Variants in SLC13A3 observed in about 807,000 individuals in gnomAD.
SLC13A3 encodes the protein solute carrier family 13 member 3.
Under a neutral mutation model 59.0 loss-of-function variants are expected in SLC13A3, and 40 were observed. The observed-to-expected ratio is 0.68, with a 90% CI of 0.53 to 0.88. The LOEUF is 0.88. SLC13A3 is among the 40% of genes least tolerant of loss of function. The probability of loss-of-function intolerance (pLI) is 0.00; values close to 1 mark genes in which losing one functional copy is unlikely to be tolerated. For missense variants in SLC13A3, 699 were observed against 783.2 expected, an observed-to-expected ratio of 0.89 and a Z score of 1.28; for synonymous variants, 317 against 330.3, an observed-to-expected ratio of 0.96 and a Z score of 0.44.
At chr20:46,614,258 G>A (rs1288194254) in intron 1 of SLC13A3, among the ~76,000 whole-genome samples, 1 of 152,174 alleles carries the variant, frequency 6.6e-6, no homozygotes, top group African/African-American at 2.4e-5. Flanking sequence ...GCTCAATTCT[G>A]ATGGGGAACC....
chr20:46,627,194 A>C (rs2062682768), intron 1 of SLC13A3, among the ~76,000 whole-genome samples: 1 of 152,248 alleles, frequency 6.6e-6, no homozygotes, highest in Admixed American at 6.5e-5. Context: ...TGAATAAATG[A>C]TATAAAGTCA....
chr20:46,629,738 C>T (rs1345616392), intron 1 of SLC13A3, among the ~76,000 whole-genome samples: 1 of 151,862 alleles, frequency 6.6e-6, no homozygotes, highest in East Asian at 1.9e-4. Flanking sequence ...GTTTTTTCAC[C>T]CCCTTCTGCT....
chr20:46,625,856 T>C (rs1416981867), intron 1 of SLC13A3, among the ~76,000 whole-genome samples: 1 of 152,252 alleles, frequency 6.6e-6, no homozygotes, highest in Non-Finnish European at 1.5e-5. Context: ...TTTTTGCTGC[T>C]GAGTAGTATT....
At chr20:46,650,856 G>A (rs1026161049) in intron 1 of SLC13A3, among the ~76,000 whole-genome samples, 3 of 152,106 alleles carry the variant, frequency 2.0e-5, no homozygotes, top group East Asian at 3.8e-4. Context: ...CTTGAGTCCA[G>A]GAGTTCCAGA....
intron 1 of SLC13A3, among the ~76,000 whole-genome samples, chr20:46,625,818 G>A (rs1004939456): frequency 5.9e-5 from 9 of 152,208 alleles, no homozygotes; most frequent in Non-Finnish European, 1.0e-4. Context: ...ATTCCTCCAC[G>A]CAGTTGTGTG....
intron 1 of SLC13A3, among the ~76,000 whole-genome samples, chr20:46,667,145 G>A (rs1238264881): frequency 6.6e-6 from 1 of 152,086 alleles, no homozygotes; most frequent in African/African-American, 2.4e-5. Context: ...TTCAGGTTGG[G>A]ACTTGATCCT....
At chr20:46,608,483 C>T (rs1293922580) in intron 3 of SLC13A3, among the ~76,000 whole-genome samples, 1 of 152,152 alleles carries the variant, frequency 6.6e-6, no homozygotes, top group Non-Finnish European at 1.5e-5. Flanking sequence ...TTCACTTCCT[C>T]GTGGAAGACT....
At chr20:46,585,203 T>C in intron 8 of SLC13A3, 1 of 981,438 alleles carries the variant, frequency 1.0e-6, no homozygotes, top group Non-Finnish European at 1.2e-6. Flanking sequence ...TATTATTATA[T>C]TTTACAGTCT....
At chr20:46,673,821 C>T (rs1036439611), upstream of SLC13A3, 22 of 152,224 alleles carry the variant, frequency 1.4e-4, no homozygotes, top group Non-Finnish European at 2.5e-4. Flanking sequence ...GGATGAAACA[C>T]GCTCTACATC....
chr20:46,668,223 C>T (rs1452874701), intron 1 of SLC13A3, among the ~76,000 whole-genome samples: 4 of 152,176 alleles, frequency 2.6e-5, no homozygotes, highest in South Asian at 4.1e-4. Context: ...GAAGGCACGT[C>T]GAAAGCCAAC....
Position 46,588,058 on chromosome 20 carries a change from C to T in SLC13A3, c.1121+1G>A, listed in dbSNP as rs1316538679. On this transcript the variant is annotated splice_donor_variant, in intron 8 of 12. Transcript: ENST00000279027. LOFTEE classifies it high-confidence loss of function. ...CTCCCTGTGGGTCCCCAGAGTCTCA[C>T]CCAGGATTGAAGAGGCTGGCCCAGC... 6.3e-7 allele frequency: 1 copy of T among 1,592,046 alleles called. No homozygotes were observed. The highest frequency in any genetic ancestry group is 8.6e-7 in the Non-Finnish European group (1 of 1,164,072).
chr20:46,644,021 G>C (rs2062870632), intron 1 of SLC13A3, among the ~76,000 whole-genome samples: 2 of 152,126 alleles, frequency 1.3e-5, no homozygotes, highest in African/African-American at 4.8e-5. Flanking sequence ...CTGGGCAACA[G>C]AGGAAGACCC....
At position 46,579,892 on chromosome 20, in the gene SLC13A3, C is replaced by T. The variant is rs185515015; in HGVS notation, c.1219+3680G>A. ...CAGTGGAAGCTAAGTAATATCCGTCCCCTTTAATTTAAGTGGGGATTGGCT... is the reference window on the plus strand; with the variant it reads ...CAGTGGAAGCTAAGTAATATCCGTCTCCTTTAATTTAAGTGGGGATTGGCT... On this transcript the variant is annotated intron_variant, in intron 9 of 12. Coordinates refer to ENST00000279027, the MANE Select transcript of SLC13A3 (RefSeq NM_022829.6). Among the ~76,000 whole-genome samples, 8 of 152,272 alleles carry T rather than the reference C, an allele frequency of 5.3e-5. No individual in the cohort carries two copies. In the East Asian group the frequency reaches 1.5e-3, roughly 29 times the overall value.
intron 3 of SLC13A3, among the ~76,000 whole-genome samples, chr20:46,602,122 C>T (rs745342417): frequency 5.3e-5 from 8 of 151,996 alleles, no homozygotes; most frequent in Non-Finnish European, 8.8e-5. Flanking sequence ...TTGCTTGAGC[C>T]GAGAGTTTGA....
chr20:46,575,848 A>G (rs2146098403), intron 9 of SLC13A3, among the ~76,000 whole-genome samples, 163 bp from the exon 10 acceptor site: 1 of 152,292 alleles, frequency 6.6e-6, no homozygotes, highest in South Asian at 2.1e-4. Flanking sequence ...GTGCACAGGC[A>G]TCATGATAGG....
intron 1 of SLC13A3, among the ~76,000 whole-genome samples, chr20:46,679,139 T>C (rs1483784060): frequency 6.6e-6 from 1 of 152,238 alleles, no homozygotes; most frequent in East Asian, 1.9e-4. Context: ...GGTGTTTCTT[T>C]ACAGCAATGC....
intron 3 of SLC13A3, among the ~76,000 whole-genome samples, chr20:46,603,071 A>G (rs60128976): frequency 0.031 from 4,664 of 151,976 alleles, 234 homozygotes; most frequent in African/African-American, 0.1. Flanking sequence ...CCAGCTACTC[A>G]GGAGGCTGAG....
At chr20:46,677,165 C>T (rs568451525) in intron 1 of SLC13A3, among the ~76,000 whole-genome samples, 1 of 152,174 alleles carries the variant, frequency 6.6e-6, no homozygotes, top group East Asian at 1.9e-4. Context: ...CCGCCCACCT[C>T]GGCATTCCAA....
chr20:46,583,165 A>G, intron 9 of SLC13A3: 1 of 735,182 alleles, frequency 1.4e-6, no homozygotes, highest in Non-Finnish European at 1.7e-6. Flanking sequence ...GTAGGTACTT[A>G]TATAACTAAA....
Sources: allele counts gnomAD v4.1 joint callset (sites outside exome capture counted in the v4.1 genomes callset), GRCh38; gene constraint gnomAD v4.1.1; transcripts MANE v1.5; gene names NCBI Gene and HGNC (gene_info 2026-07-23, HGNC 2026-07-21).